The following ZNF382 variants were observed in gnomAD, a reference collection of about 807,000 sequenced individuals.
The protein encoded by ZNF382 is KRAB/zinc finger suppressor protein 1.
Under a neutral mutation model 38.8 loss-of-function variants are expected in ZNF382, and 20 were observed. The ratio of observed to expected loss-of-function variants is 0.51; its 90% CI spans 0.36 to 0.75. The LOEUF (loss-of-function observed/expected upper bound fraction) is 0.75, where lower values mean the gene tolerates loss of function less well. Among genes scored for constraint, ZNF382 ranks in the 30% least tolerant of loss-of-function variants. ZNF382 has a pLI of 0.00. For missense variants in ZNF382, 546 were observed against 654.1 expected (o/e 0.83, Z 1.80); for synonymous variants, 202 against 223.1 (o/e 0.91, Z 0.84).
At chr19:36,612,831 G>A (rs1041712270) in intron 4 of ZNF382, among the ~76,000 whole-genome samples, 2 of 152,072 alleles carry the variant, frequency 1.3e-5, no homozygotes, top group African/African-American at 2.4e-5. Context: ...TCACTCTGTC[G>A]CCCAGGCTGG....
intron 1 of ZNF382, among the ~76,000 whole-genome samples, chr19:36,606,141 C>T (rs777095946): frequency 8.5e-5 from 13 of 152,070 alleles, no homozygotes; most frequent in Admixed American, 1.3e-4. Context: ...AGCCATTAAG[C>T]CTGCCTCCAA....
chr19:36,611,227 T>A (rs2037075169), intron 4 of ZNF382, among the ~76,000 whole-genome samples: 1 of 151,962 alleles, frequency 6.6e-6, no homozygotes, highest in Non-Finnish European at 1.5e-5. Context: ...GAGGCGGAGG[T>A]TGCAGTGAGC....
At chr19:36,614,947 C>CCCTT (rs2037112851) in intron 4 of ZNF382, among the ~76,000 whole-genome samples, 1 of 138,306 alleles carries the variant, frequency 7.2e-6, no homozygotes, top group African/African-American at 2.8e-5. Context: ...CTTTCCCTTT[C>CCCTT]CCTTTCCCTT....
Position 36,632,846 on chromosome 19 carries a change from C to T in ZNF382, c.*5296C>T, listed in dbSNP as rs1188661823. The T allele has an allele frequency of 3.3e-5, 5 of 152,170 alleles. No homozygotes were observed. Among genetic ancestry groups the T allele is most frequent in the African/African-American group, 1.2e-4 (5 of 41,442 alleles). 9.4% of individuals were successfully genotyped at this position (152,170 alleles called of 1,614,324 possible). A position where few individuals can be genotyped will look rare whatever the true frequency, so the allele number is the denominator to read the frequency against. On this transcript the variant is annotated 3_prime_UTR_variant, in exon 5 of 5. Coordinates refer to ENST00000292928, the MANE Select transcript of ZNF382 (RefSeq NM_032825.5). ...TCTGTGTCCCCAGTATCAGATAGTGCACAGTACATCTCAAATGTGATCATT... is the reference window on the plus strand; with the variant it reads ...TCTGTGTCCCCAGTATCAGATAGTGTACAGTACATCTCAAATGTGATCATT...
In ZNF382 at chr19:36,626,781, C is replaced by G. The variant is rs753296966; in HGVS notation, c.884C>G (p.Pro295Arg). ...MPQRPQTEEKPFHCPYCGNNF... is the reference protein window; with the variant it reads ...MPQRPQTEEKRFHCPYCGNNF... The stretch of plus-strand genomic sequence containing the variant: ...CAGAGACCTCAAACAGAAGAGAAAC[C>G]CTTTCACTGTCCTTACTGTGGGAAT... Residue 295 changes from proline (P) to arginine (R), a missense_variant, in exon 5 of 5, where the codon CCC becomes CGC. Transcript: ENST00000292928. 8 of 1,614,070 alleles carry G rather than the reference C, an allele frequency of 5.0e-6. No homozygotes were observed. In the Admixed American group the frequency reaches 6.7e-5, roughly 13 times the overall value.
intron 3 of ZNF382, 38 bp from the exon 4 acceptor site, chr19:36,610,612 A>C (rs1449316481): frequency 1.3e-6 from 2 of 1,565,964 alleles, no homozygotes; most frequent in Non-Finnish European, 1.7e-6. Flanking sequence ...TTTAAAGTCG[A>C]AACAGCTTAG....
chr19:36,621,324 GT>G (rs10557413), intron 4 of ZNF382, among the ~76,000 whole-genome samples: 12,222 of 104,482 alleles, frequency 0.12, 710 homozygotes, highest in East Asian at 0.41. Context: ...TTTTTCCCTA[GT>G]TTTTTTTTTT....
chr19:36,615,813 A>C (rs545426735), intron 4 of ZNF382, among the ~76,000 whole-genome samples: 3 of 152,276 alleles, frequency 2.0e-5, no homozygotes, highest in South Asian at 4.1e-4. Context: ...TTGAATTTAT[A>C]GTTTTTATAG....
chr19:36,629,231 G>A lies in ZNF382; in HGVS notation c.*1681G>A, dbSNP rs1013909146. On this transcript the variant is annotated 3_prime_UTR_variant, in exon 5 of 5. Transcript: ENST00000292928. ...CTGCCTCGGCCTCCCAAAGTGCTAG[G>A]ATTACAGGGACTTTTAACTCTGGGG... The A allele has an allele frequency of 6.6e-6, 1 of 152,288 alleles. No individual in the cohort carries two copies. The highest frequency in any genetic ancestry group is 2.4e-5 in the African/African-American group (1 of 41,446). The allele number at this position is 152,288 out of a possible 1,614,324, so 9.4% of individuals were successfully genotyped here.
At position 36,626,729 on chromosome 19, in the gene ZNF382, T is replaced by C; in HGVS notation, c.832T>C (p.Cys278Arg). ...CTACAACAAATATGGGAAATTCCTC[T>C]GCAGAAAGCCTGTTTTTATTATGCC... ...SAYNKYGKFL[C>R]RKPVFIMPQR... is the part of the protein sequence containing the mutation. Residue 278 changes from cysteine to arginine, a missense_variant, in exon 5 of 5, where the codon TGC (cysteine) becomes CGC (arginine). Physicochemically the swap from Cys to Arg is radical, Grantham distance 180 (BLOSUM62 -3). Coordinates refer to ENST00000292928, the MANE Select transcript of ZNF382 (RefSeq NM_032825.5). 6.2e-7 allele frequency: 1 copy of C among 1,614,170 alleles called. No individual in the cohort carries two copies. The highest frequency in any genetic ancestry group is 2.2e-5 in the East Asian group (1 of 44,882).
rs2037063417 is a variant in ZNF382 at position 36,609,907 on chromosome 19, A to G, written c.-8A>G. On this transcript the variant is annotated 5_prime_UTR_variant, in exon 3 of 5. Transcript: ENST00000292928. ...CACATTTCCGATCACTTCAGGATGAACTAGAGTATGCCCTTACAGGGATCA... is the reference window on the plus strand; with the variant it reads ...CACATTTCCGATCACTTCAGGATGAGCTAGAGTATGCCCTTACAGGGATCA... The G allele has an allele frequency of 6.2e-7, 1 of 1,607,004 alleles. No homozygotes were observed. The highest frequency in any genetic ancestry group is 1.3e-5 in the African/African-American group (1 of 74,472).
rs893882105 is a variant in ZNF382, at chr19:36,632,745, C to T, written c.*5195C>T. 1.3e-5 allele frequency: 2 copies of T among 152,178 alleles called. No homozygotes were observed. The highest frequency in any genetic ancestry group is 2.9e-5 in the Non-Finnish European group (2 of 68,042). The allele number at this position is 152,178 out of a possible 1,614,324, so 9.4% of individuals were successfully genotyped here. On this transcript the variant is annotated 3_prime_UTR_variant, in exon 5 of 5. Coordinates refer to ENST00000292928, the MANE Select transcript of ZNF382 (RefSeq NM_032825.5). ...TTTGCAGTCTGACTGTAAATCAGCT[C>T]CATCTTATAAACATGGTTCCTATAA...
At position 36,626,462 on chromosome 19, in the gene ZNF382, AC is replaced by A. The variant is rs1233885671; in HGVS notation, c.566del (p.Thr189LysfsTer34). The A allele has an allele frequency of 1.2e-6, 2 of 1,604,898 alleles. No individual in the cohort carries two copies. Among genetic ancestry groups the A allele is most frequent in the Non-Finnish European group, 1.7e-6 (2 of 1,177,406 alleles). On this transcript the variant is annotated frameshift_variant, in exon 5 of 5. Coordinates refer to ENST00000292928, the MANE Select transcript of ZNF382 (RefSeq NM_032825.5). LOFTEE classifies it high-confidence loss of function. ...IHPAVNLHKQTERVLSGKQEL... is the reference protein window; with the variant it reads ...IHPAVNLHKQXERVLSGKQEL... ...TCCTGCAGTGAATCTCCATAAACAA[AC>A]AGAAAGAGTTCTCAGTGGTAAACAG...
intron 4 of ZNF382, among the ~76,000 whole-genome samples, chr19:36,619,682 A>G (rs182887618): frequency 2.0e-4 from 30 of 152,122 alleles, no homozygotes; most frequent in Middle Eastern, 3.4e-3. Context: ...GTTTTAAAGT[A>G]TGTTTGAGGC....
chr19:36,627,627 C>A lies in ZNF382; in HGVS notation c.*77C>A. On this transcript the variant is annotated 3_prime_UTR_variant, in exon 5 of 5. Transcript: ENST00000292928. ...ATGATGTTGCTTGCAAGCGTAATAT[C>A]CAACAGTTTAAGGTACTATACCACA... 9.0e-7 allele frequency: 1 copy of A among 1,115,304 alleles called. No homozygotes were observed. The highest frequency in any genetic ancestry group is 1.3e-6 in the Non-Finnish European group (1 of 765,478). The allele number at this position is 1,115,304 out of a possible 1,614,324, so 69.1% of individuals were successfully genotyped here. A position where few individuals can be genotyped will look rare whatever the true frequency, so the allele number is the denominator to read the frequency against.
rs2037262474 is a variant in ZNF382, at chr19:36,632,932, T to C, written c.*5382T>C. 1 of 152,252 alleles carries C rather than the reference T, an allele frequency of 6.6e-6. No individual in the cohort carries two copies. The highest frequency in any genetic ancestry group is 1.9e-4 in the East Asian group (1 of 5,202). 9.4% of individuals were successfully genotyped at this position (152,252 alleles called of 1,614,324 possible). The stretch of plus-strand genomic sequence containing the variant: ...TTCTGGTCTAGCAATAGAGCCAGGC[T>C]TGCCATGTCCTGCTTCACAAGTAAT... On this transcript the variant is annotated 3_prime_UTR_variant, in exon 5 of 5. Coordinates refer to ENST00000292928, the MANE Select transcript of ZNF382 (RefSeq NM_032825.5).
At chr19:36,614,594 G>T (rs1035616700) in intron 4 of ZNF382, among the ~76,000 whole-genome samples, 2 of 152,002 alleles carry the variant, frequency 1.3e-5, no homozygotes, top group Admixed American at 1.3e-4. Context: ...TGCTCATTAA[G>T]TTTCTCTCTA....
intron 4 of ZNF382, among the ~76,000 whole-genome samples, chr19:36,624,334 T>C (rs981313864): frequency 4.6e-5 from 7 of 152,360 alleles, no homozygotes; most frequent in African/African-American, 1.7e-4. Context: ...TTTCTTCTTG[T>C]TGCTGAGGTA....
chr19:36,605,586 G>T (rs978635572), intron 1 of ZNF382: 1 of 152,248 alleles, frequency 6.6e-6, no homozygotes, highest in African/African-American at 2.4e-5. Context: ...AGCGAGCTCC[G>T]CGAAGGGGGA....
Sources: gnomAD v4.1 joint callset for allele counts (sites outside exome capture counted in the v4.1 genomes callset) on GRCh38, gnomAD v4.1.1 for gene constraint, MANE v1.5 for transcripts, NCBI Gene and HGNC (gene_info 2026-07-23, HGNC 2026-07-21) for gene names.